ADAMTSL1: variants seen among roughly 807,000 people sequenced by gnomAD.
The protein encoded by ADAMTSL1 is ADAMTS-like protein 1.
A neutral mutation model predicts 201.8 loss-of-function variants in ADAMTSL1; 126 were observed. That is an observed-to-expected ratio of 0.62 (90% CI 0.54 to 0.72). ADAMTSL1 has a LOEUF of 0.72. Ranked by LOEUF, ADAMTSL1 falls within the 30% of genes least tolerant of loss-of-function variation. ADAMTSL1 has a pLI of 0.00. For synonymous variants in ADAMTSL1, 1,121 were observed against 903.4 expected, an observed-to-expected ratio of 1.24 and a Z score of -4.32; for missense variants, 2,679 against 2,277.8, an observed-to-expected ratio of 1.18 and a Z score of -3.59.
intron 1 of ADAMTSL1, among the ~76,000 whole-genome samples, chr9:18,080,529 C>T (rs551283648): frequency 6.6e-5 from 10 of 152,256 alleles, no homozygotes; most frequent in East Asian, 5.8e-4. Flanking sequence ...CAGATTATTA[C>T]GTATTATGTT....
intron 1 of ADAMTSL1, among the ~76,000 whole-genome samples, chr9:18,132,239 C>T (rs1317092577): frequency 2.0e-5 from 3 of 152,032 alleles, no homozygotes; most frequent in Non-Finnish European, 2.9e-5. Flanking sequence ...AGTTCTTTTC[C>T]TTCATCTCCT....
chr9:18,175,756 C>T (rs553452524), intron 2 of ADAMTSL1, among the ~76,000 whole-genome samples: 1 of 152,200 alleles, frequency 6.6e-6, no homozygotes, highest in African/African-American at 2.4e-5. Flanking sequence ...CCTTGTCTCT[C>T]CAAAGTCCTA....
intron 1 of ADAMTSL1, among the ~76,000 whole-genome samples, chr9:17,935,267 T>G (rs1826958145): frequency 6.6e-6 from 1 of 152,134 alleles, no homozygotes; most frequent in Non-Finnish European, 1.5e-5. Context: ...CCTTTCCTCC[T>G]GCCTTATGGG....
At chr9:18,723,789 C>T (rs1027744661) in intron 15 of ADAMTSL1, 11 of 152,182 alleles carry the variant, frequency 7.2e-5, no homozygotes, top group African/African-American at 2.7e-4. Context: ...ACAGATTTTC[C>T]CCCTAAAAAT....
intron 23 of ADAMTSL1, among the ~76,000 whole-genome samples, chr9:18,866,485 T>C (rs1375419647): frequency 6.6e-6 from 1 of 152,256 alleles, no homozygotes; most frequent in Non-Finnish European, 1.5e-5. Flanking sequence ...GCTGACAATT[T>C]TGTTCATTTA....
At chr9:18,543,154 T>G (rs1408741315) in intron 3 of ADAMTSL1, among the ~76,000 whole-genome samples, 1 of 152,188 alleles carries the variant, frequency 6.6e-6, no homozygotes, top group Non-Finnish European at 1.5e-5. Context: ...CAAATCAGTA[T>G]CCACCAAAAG....
At chr9:18,225,603 A>T (rs1830410218) in intron 2 of ADAMTSL1, among the ~76,000 whole-genome samples, 1 of 152,188 alleles carries the variant, frequency 6.6e-6, no homozygotes, top group Non-Finnish European at 1.5e-5. Context: ...AATATTAAAA[A>T]ACACTGAACT....
At chr9:17,942,260 A>G (rs993052006) in intron 1 of ADAMTSL1, among the ~76,000 whole-genome samples, 1 of 152,142 alleles carries the variant, frequency 6.6e-6, no homozygotes, top group African/African-American at 2.4e-5. Context: ...GAATGTATTT[A>G]ATGCCATTGA....
intron 2 of ADAMTSL1, among the ~76,000 whole-genome samples, chr9:18,405,481 A>C (rs992116003): frequency 6.6e-6 from 1 of 152,100 alleles, no homozygotes; most frequent in Non-Finnish European, 1.5e-5. Context: ...ATCATTCTAC[A>C]GGTTTGGCAT....
intron 1 of ADAMTSL1, among the ~76,000 whole-genome samples, chr9:18,109,947 A>G (rs934541839): frequency 6.6e-5 from 10 of 152,134 alleles, no homozygotes; most frequent in African/African-American, 2.4e-4. Flanking sequence ...GTTGTGTGCA[A>G]ATTACCTTGG....
chr9:18,909,341 C>G lies in ADAMTSL1; in HGVS notation c.*793C>G, dbSNP rs549260975. ...GCATGTGCGCATGCTCAGAGCCCTG[C>G]TGCCCACAACAGAGCACTGCGCTGC... On this transcript the variant is annotated 3_prime_UTR_variant, in exon 29 of 29. Transcript: ENST00000380548. The G allele has an allele frequency of 5.2e-5, 8 of 152,426 alleles. No individual in the cohort carries two copies. Among genetic ancestry groups the G allele is most frequent in the Non-Finnish European group, 8.8e-5 (6 of 68,090 alleles). 9.4% of individuals were successfully genotyped at this position (152,426 alleles called of 1,614,324 possible). A position where few individuals can be genotyped will look rare whatever the true frequency, so the allele number is the denominator to read the frequency against.
intron 2 of ADAMTSL1, among the ~76,000 whole-genome samples, chr9:18,191,368 G>T (rs148953049): frequency 1.0e-3 from 159 of 152,290 alleles, no homozygotes; most frequent in African/African-American, 3.4e-3. Context: ...GACAGGCCCT[G>T]CATTGACTGG....
intron 1 of ADAMTSL1, among the ~76,000 whole-genome samples, chr9:18,010,766 C>T (rs370199484): frequency 3.3e-5 from 5 of 152,020 alleles, no homozygotes; most frequent in East Asian, 2.0e-4. Context: ...GGGTATTCTG[C>T]GCAATTACCA....
chr9:18,052,769 C>T (rs979498931), intron 1 of ADAMTSL1, among the ~76,000 whole-genome samples: 9 of 151,774 alleles, frequency 5.9e-5, no homozygotes, highest in African/African-American at 1.7e-4. Context: ...TTAGTTAACC[C>T]AGCTGTGTTT....
chr9:18,817,133 G>C lies in ADAMTSL1; in HGVS notation c.3830G>C (p.Arg1277Pro). Residue 1277 changes from arginine (R) to proline (P), a missense_variant, in exon 21 of 29, where the codon CGA becomes CCA. Physicochemically the swap from Arg to Pro is moderately radical, Grantham distance 103. Coordinates refer to ENST00000380548, the MANE Select transcript of ADAMTSL1 (RefSeq NM_001040272.6). ...LAGKPLVKTS[R>P]MTVINTEKPA... ...GGAAAGCCACTAGTGAAAACGTCAC[G>C]AATGACAGTGATCAACACGGAGAAG... 6.2e-7 allele frequency: 1 copy of C among 1,606,034 alleles called. No individual in the cohort carries two copies. Among genetic ancestry groups the C allele is most frequent in the Non-Finnish European group, 8.5e-7 (1 of 1,176,342 alleles).
chr9:17,957,748 G>T (rs1447977891), intron 1 of ADAMTSL1, among the ~76,000 whole-genome samples: 1 of 152,160 alleles, frequency 6.6e-6, no homozygotes, highest in Non-Finnish European at 1.5e-5. Flanking sequence ...CATGTAAGAA[G>T]AGGAGCAGAC....
intron 23 of ADAMTSL1, among the ~76,000 whole-genome samples, chr9:18,869,736 C>G (rs1827770661): frequency 6.6e-6 from 1 of 152,112 alleles, no homozygotes; most frequent in African/African-American, 2.4e-5. Flanking sequence ...TCTGTCCTGG[C>G]TTTCAATATT....
intron 1 of ADAMTSL1, among the ~76,000 whole-genome samples, chr9:18,092,549 A>T (rs1383329604): frequency 2.0e-5 from 3 of 152,112 alleles, no homozygotes; most frequent in African/African-American, 7.2e-5. Context: ...TTGAGAAATG[A>T]CTCCAGTGAT....
chr9:18,311,643 G>C (rs1347319197), intron 2 of ADAMTSL1, among the ~76,000 whole-genome samples: 2 of 152,176 alleles, frequency 1.3e-5, no homozygotes, highest in Non-Finnish European at 2.9e-5. Flanking sequence ...ATCCTAATGG[G>C]ATTCGATGCT....
Sources: gnomAD v4.1 joint callset for allele counts (sites outside exome capture counted in the v4.1 genomes callset) on GRCh38, gnomAD v4.1.1 for gene constraint, MANE v1.5 for transcripts, NCBI Gene and HGNC (gene_info 2026-07-23, HGNC 2026-07-21) for gene names.